NEK5: variants seen among roughly 807,000 people sequenced by gnomAD.
NEK5 encodes the protein serine/threonine-protein kinase Nek5.
In NEK5, 88 loss-of-function variants were observed where a neutral mutation model predicts 109.2. The ratio of observed to expected loss-of-function variants is 0.81; its 90% CI spans 0.68 to 0.96. NEK5 has a LOEUF of 0.96. NEK5 is among the 40% of genes least tolerant of loss of function. NEK5 has a pLI of 0.00. For synonymous variants in NEK5, 283 were observed against 299.9 expected (o/e 0.94, Z 0.58); for missense variants, 834 against 920.7 (o/e 0.91, Z 1.22).
chr13:52,079,286 A>ACCCCTC (rs148802066), intron 17 of NEK5, among the ~76,000 whole-genome samples: 1 of 127,906 alleles, frequency 7.8e-6, no homozygotes, highest in Non-Finnish European at 1.6e-5. Context: ...AAGTAATCTG[A>ACCCCTC]TCCCTCTCCC....
chr13:52,064,811 G>A (rs546398171), intron 21 of NEK5: 48 of 234,774 alleles, frequency 2.0e-4, no homozygotes, highest in African/African-American at 9.9e-4. Flanking sequence ...CCTGCTAATC[G>A]GTGACCTTAC....
At chr13:52,099,146 C>T (rs1955477534) in intron 12 of NEK5, among the ~76,000 whole-genome samples, 1 of 152,166 alleles carries the variant, frequency 6.6e-6, no homozygotes, top group Admixed American at 6.5e-5. Context: ...TTTCACATTG[C>T]TTGCCTGTAT....
At chr13:52,117,144 C>T (rs899047985) in intron 4 of NEK5, among the ~76,000 whole-genome samples, 1 of 152,170 alleles carries the variant, frequency 6.6e-6, no homozygotes, top group Non-Finnish European at 1.5e-5. Flanking sequence ...GTCTTGAACT[C>T]CTGACCTCAG....
intron 17 of NEK5, among the ~76,000 whole-genome samples, chr13:52,081,931 C>T (rs530947585): frequency 5.3e-5 from 8 of 152,248 alleles, no homozygotes; most frequent in African/African-American, 1.9e-4. Flanking sequence ...GTTTATAATA[C>T]CTTGAGGATT....
chr13:52,083,420 TGCGCGATCAATGATGAAATG>T (rs1955055573), intron 16 of NEK5, 68 bp from the exon 17 acceptor site: 1 of 915,992 alleles, frequency 1.1e-6, no homozygotes, highest in Non-Finnish European at 1.8e-6. Flanking sequence ...ACTTGGCTGA[TGCGCGATCAATGATGAAATG>T]GCTGGACAGA....
rs1336220899 is a variant in NEK5, at chr13:52,065,519, G to C, written c.1940C>G (p.Ala647Gly). 1 of 1,613,644 alleles carries C rather than the reference G, an allele frequency of 6.2e-7. No individual in the cohort carries two copies. The highest frequency in any genetic ancestry group is 8.5e-7 in the Non-Finnish European group (1 of 1,179,516). Residue 647 changes from alanine (A) to glycine (G), a missense_variant, in exon 21 of 24, where the codon GCC becomes GGC. Around this residue, in one of 2 missense-constraint regions of NEK5, gnomAD observed 777 missense variants for 824.7 expected, o/e 0.94. Coordinates refer to ENST00000684899, the MANE Select transcript of NEK5 (RefSeq NM_001365552.1). ...PQTLLQMMAV[A>G]DITSTCPTGP... ...CGTGGGGCAGGTGGAGGTGATGTCGGCCACTGCCATCATCTGCAGCAGAGT... is the reference window on the plus strand; with the variant it reads ...CGTGGGGCAGGTGGAGGTGATGTCGCCCACTGCCATCATCTGCAGCAGAGT...
intron 20 of NEK5, among the ~76,000 whole-genome samples, chr13:52,067,971 C>T (rs1394799995): frequency 1.3e-5 from 2 of 152,118 alleles, no homozygotes; most frequent in East Asian, 1.9e-4. Flanking sequence ...GGATTACAGG[C>T]ATGAACTACC....
Position 52,036,358 on chromosome 13 carries a change from A to T in NEK5, c.*590T>A, listed in dbSNP as rs1954361545. ...GCAAACAATTTCACCTGCAACCTTAATTCTCCTTTGCCATATTTGCAAACT... is the reference window on the plus strand; with the variant it reads ...GCAAACAATTTCACCTGCAACCTTATTTCTCCTTTGCCATATTTGCAAACT... On this transcript the variant is annotated 3_prime_UTR_variant, in exon 24 of 24. Coordinates refer to ENST00000684899, the MANE Select transcript of NEK5 (RefSeq NM_001365552.1). 6.6e-6 allele frequency: 1 copy of T among 152,144 alleles called. No individual in the cohort carries two copies. Among genetic ancestry groups the T allele is most frequent in the Non-Finnish European group, 1.5e-5 (1 of 68,064 alleles). The allele number at this position is 152,144 out of a possible 1,614,324, so 9.4% of individuals were successfully genotyped here.
chr13:52,085,139 C>T (rs921619827), intron 16 of NEK5, among the ~76,000 whole-genome samples: 10 of 152,196 alleles, frequency 6.6e-5, no homozygotes, highest in Non-Finnish European at 1.2e-4. Context: ...ACTGAATCAT[C>T]GGGGTGGTTT....
At position 52,035,721 on chromosome 13, in the gene NEK5, C is replaced by T. The variant is rs1321610804; in HGVS notation, c.*1227G>A. 2 of 152,120 alleles carry T rather than the reference C, an allele frequency of 1.3e-5. No individual in the cohort carries two copies. Among genetic ancestry groups the T allele is most frequent in the Non-Finnish European group, 1.5e-5 (1 of 68,028 alleles). The allele number at this position is 152,120 out of a possible 1,614,324, so 9.4% of individuals were successfully genotyped here. The stretch of plus-strand genomic sequence containing the variant: ...ATAAAGACCAGATATAGTCCCTGCC[C>T]TCAACCTATACACTTGAAACTATTG... On this transcript the variant is annotated 3_prime_UTR_variant, in exon 24 of 24. Coordinates refer to ENST00000684899, the MANE Select transcript of NEK5 (RefSeq NM_001365552.1).
intron 16 of NEK5, among the ~76,000 whole-genome samples, chr13:52,084,640 C>T (rs1010759862): frequency 1.3e-5 from 2 of 151,744 alleles, no homozygotes; most frequent in Admixed American, 6.6e-5. Flanking sequence ...CTAGCTCAAG[C>T]AATCCTTCTG....
chr13:52,049,216 A>C (rs1954482498), intron 23 of NEK5, among the ~76,000 whole-genome samples: 1 of 152,120 alleles, frequency 6.6e-6, no homozygotes, highest in Non-Finnish European at 1.5e-5. Flanking sequence ...TGAAGCTGGG[A>C]GTTCAAGACC....
chr13:52,115,601 C>CAA (rs71088014), intron 4 of NEK5, among the ~76,000 whole-genome samples: 609 of 49,208 alleles, frequency 0.012, 40 homozygotes, highest in African/African-American at 0.047. Flanking sequence ...GAGACTCCGT[C>CAA]AAAAAAAAAA....
chr13:52,115,156 G>A (rs1173338219), intron 4 of NEK5, among the ~76,000 whole-genome samples: 1 of 151,892 alleles, frequency 6.6e-6, no homozygotes, highest in East Asian at 2.0e-4. Flanking sequence ...TGGGACTACA[G>A]GCGCCCGCCA....
rs1566718588 is a variant in NEK5, at chr13:52,034,324, A to AATT, written c.*2621_*2623dup. 6.6e-6 allele frequency: 1 copy of AATT among 152,172 alleles called. No homozygotes were observed. Among genetic ancestry groups the AATT allele is most frequent in the Non-Finnish European group, 1.5e-5 (1 of 68,028 alleles). The allele number at this position is 152,172 out of a possible 1,614,324, so 9.4% of individuals were successfully genotyped here. ...TGTGTGTAAAATGGGTAAGGTCTAG[A>AATT]ATTAGGGACTAAAATCAGCTGAAAG... On this transcript the variant is annotated 3_prime_UTR_variant, in exon 24 of 24. Coordinates refer to ENST00000684899, the MANE Select transcript of NEK5 (RefSeq NM_001365552.1).
rs1416347495 is a variant in NEK5 at position 52,094,485 on chromosome 13, T to C, written c.1027-1250A>G. 2.0e-5 allele frequency among the ~76,000 whole-genome samples: 3 copies of C among 152,234 alleles called. No individual in the cohort carries two copies. In the South Asian group the frequency reaches 6.2e-4, roughly 31 times the overall value. ...CACATATATGTTAGATTGGACCATA[T>C]GAAATTGCACATAATTGGCTGGGCG... On this transcript the variant is annotated intron_variant, in intron 12 of 23. Transcript: ENST00000684899.
intron 4 of NEK5, among the ~76,000 whole-genome samples, chr13:52,116,627 T>G (rs1955863042): frequency 6.6e-6 from 1 of 152,210 alleles, no homozygotes; most frequent in African/African-American, 2.4e-5. Flanking sequence ...TAAGCCAACC[T>G]CAGGCTTCTG....
intron 17 of NEK5, among the ~76,000 whole-genome samples, chr13:52,079,384 C>G (rs987362567): frequency 6.7e-6 from 1 of 149,652 alleles, no homozygotes; most frequent in African/African-American, 2.5e-5. Context: ...CATCTCGGCT[C>G]ACTGCAACTT....
chr13:52,098,383 A>C (rs1297763405), intron 12 of NEK5, among the ~76,000 whole-genome samples: 1 of 152,186 alleles, frequency 6.6e-6, no homozygotes, highest in East Asian at 1.9e-4. Context: ...ATTTTCTAAA[A>C]TGTCTATATA....
Sources: gnomAD v4.1 joint callset for allele counts (sites outside exome capture counted in the v4.1 genomes callset) on GRCh38, gnomAD v4.1.1 for gene constraint, gnomAD v4.1.1 regional missense constraint, MANE v1.5 for transcripts, NCBI Gene and HGNC (gene_info 2026-07-23, HGNC 2026-07-21) for gene names.